DACT1: variants seen among roughly 807,000 people sequenced by gnomAD.
DACT1 encodes dishevelled binding antagonist of beta catenin 1, also known as dapper homolog 1.
DACT1 carries 19 observed loss-of-function variants against 35.3 expected under a neutral mutation model. The ratio of observed to expected loss-of-function variants is 0.54; its 90% CI spans 0.38 to 0.79. The LOEUF is 0.79. DACT1 is among the 30% of genes least tolerant of loss of function. The pLI, the probability that DACT1 is intolerant of heterozygous loss-of-function variation, is 0.00. For missense variants in DACT1, 1,143 were observed against 1,057.5 expected (o/e 1.08, Z -1.12); for synonymous variants, 545 against 466.7 (o/e 1.17, Z -2.16).
At position 58,638,037 on chromosome 14, in the gene DACT1, C is replaced by G. The variant is rs958603426; in HGVS notation, c.-166C>G. The stretch of plus-strand genomic sequence containing the variant: ...GCTGCCCGGGCCGGGACAGCAGCAG[C>G]CGGCGGTCGCGCGCAGGACTCGAGG... On this transcript the variant is annotated 5_prime_UTR_variant, in exon 1 of 4. Transcript: ENST00000395153. 8 of 634,434 alleles carry G rather than the reference C, an allele frequency of 1.3e-5. No individual in the cohort carries two copies. Among genetic ancestry groups the G allele is most frequent in the Non-Finnish European group, 1.7e-5 (8 of 460,368 alleles). 39.3% of individuals were successfully genotyped at this position (634,434 alleles called of 1,614,324 possible).
Position 58,645,468 on chromosome 14 carries a change from T to C in DACT1, c.734T>C (p.Met245Thr). The change falls in exon 4 of 4, where the codon ATG becomes ACG. Residue 245 changes from methionine to threonine, a missense_variant. Coordinates refer to ENST00000395153, the MANE Select transcript of DACT1 (RefSeq NM_001079520.2). ...CATGCTGTGGCTGTGCAGAGCCCAA[T>C]GTTTCTCCTTTGTCTGACGGGCAAC... ...PLHAVAVQSP[M>T]FLLCLTGNPL... is the part of the protein sequence containing the mutation. 1 of 1,614,198 alleles carries C rather than the reference T, an allele frequency of 6.2e-7. No homozygotes were observed. Among genetic ancestry groups the C allele is most frequent in the Non-Finnish European group, 8.5e-7 (1 of 1,180,024 alleles).
chr14:58,639,579 CTGTG>C (rs148660709), intron 1 of DACT1, among the ~76,000 whole-genome samples: 8 of 151,484 alleles, frequency 5.3e-5, no homozygotes, highest in South Asian at 2.1e-4. Context: ...TTTCTTTTCT[CTGTG>C]TGTGTGTGTG....
Position 58,638,159 on chromosome 14 carries a change from G to A in DACT1, c.-44G>A, listed in dbSNP as rs1346904732. 40 of 1,263,810 alleles carry A rather than the reference G, an allele frequency of 3.2e-5. No homozygotes were observed. Among genetic ancestry groups the A allele is most frequent in the Non-Finnish European group, 3.9e-5 (39 of 1,005,090 alleles). 78.3% of individuals were successfully genotyped at this position (1,263,810 alleles called of 1,614,324 possible). On this transcript the variant is annotated 5_prime_UTR_variant, in exon 1 of 4. Coordinates refer to ENST00000395153, the MANE Select transcript of DACT1 (RefSeq NM_001079520.2). ...CCTAGCGCCCTGCTCCTCCGCCTGG[G>A]CGGCCCGGCTGCGGTGACGGCTCTC...
Position 58,638,009 on chromosome 14 carries a change from G to A in DACT1, c.-194G>A. 2.5e-6 allele frequency: 1 copy of A among 405,054 alleles called. No individual in the cohort carries two copies. The highest frequency in any genetic ancestry group is 3.9e-6 in the Non-Finnish European group (1 of 258,858). The allele number at this position is 405,054 out of a possible 1,614,324, so 25.1% of individuals were successfully genotyped here. A position where few individuals can be genotyped will look rare whatever the true frequency, so the allele number is the denominator to read the frequency against. The stretch of plus-strand genomic sequence containing the variant: ...CGAGGGACGCGCGGCGACAGCGGAC[G>A]GCGCTGCCCGGGCCGGGACAGCAGC... On this transcript the variant is annotated 5_prime_UTR_variant, in exon 1 of 4. Coordinates refer to ENST00000395153, the MANE Select transcript of DACT1 (RefSeq NM_001079520.2).
upstream of DACT1, among the ~76,000 whole-genome samples, chr14:58,635,055 G>A (rs373106087): frequency 6.6e-6 from 1 of 152,280 alleles, no homozygotes; most frequent in East Asian, 1.9e-4. Context: ...GCAGACAGGC[G>A]TGTCCAGGGA....
chr14:58,634,285 T>C (rs185491451), upstream of DACT1: 8 of 152,332 alleles, frequency 5.3e-5, no homozygotes, highest in Non-Finnish European at 8.8e-5. Context: ...AGACCAGCAT[T>C]GTCAAACATT....
intron 3 of DACT1, among the ~76,000 whole-genome samples, chr14:58,642,980 A>G (rs911809690): frequency 2.0e-5 from 3 of 152,182 alleles, no homozygotes; most frequent in Admixed American, 6.5e-5. Flanking sequence ...TTTATCTCCA[A>G]TGAATCCTCC....
Position 58,646,281 on chromosome 14 carries a change from A to C in DACT1, c.1547A>C (p.His516Pro). ...EGSSQSLEEA[H>P]LVKAQFIPGQ... ...TCTTCCCAAAGCCTGGAGGAAGCGCACCTGGTCAAGGCCCAGTTTATCCCG... is the reference window on the plus strand; with the variant it reads ...TCTTCCCAAAGCCTGGAGGAAGCGCCCCTGGTCAAGGCCCAGTTTATCCCG... Residue 516 changes from histidine (H) to proline (P), a missense_variant, in exon 4 of 4, where the codon CAC becomes CCC. Physicochemically the swap from His to Pro is moderately conservative, Grantham distance 77. This residue lies in a region of DACT1 where 1,054 missense variants were observed against 958.8 expected (regional missense o/e 1.10). Coordinates refer to ENST00000395153, the MANE Select transcript of DACT1 (RefSeq NM_001079520.2). 6.8e-6 allele frequency: 11 copies of C among 1,613,170 alleles called. No individual in the cohort carries two copies. The highest frequency in any genetic ancestry group is 9.3e-6 in the Non-Finnish European group (11 of 1,179,756).
At chr14:58,637,603 C>T (rs907810294), upstream of DACT1, among the ~76,000 whole-genome samples, 1 of 152,246 alleles carries the variant, frequency 6.6e-6, no homozygotes, top group Non-Finnish European at 1.5e-5. Context: ...ACTGCCGCGT[C>T]CCGTCGCGGC....
intron 3 of DACT1, among the ~76,000 whole-genome samples, chr14:58,643,702 C>G (rs1017319708): frequency 6.6e-6 from 1 of 152,166 alleles, no homozygotes; most frequent in East Asian, 1.9e-4. Flanking sequence ...GACAGTTGCA[C>G]CAGGCCTTGG....
chr14:58,644,511 G>A (rs911463963), intron 3 of DACT1, among the ~76,000 whole-genome samples: 3 of 152,158 alleles, frequency 2.0e-5, no homozygotes, highest in African/African-American at 4.8e-5. Context: ...GATTGCAGGC[G>A]TGAGCCATCA....
chr14:58,639,375 AC>A, intron 1 of DACT1: 1 of 613,278 alleles, frequency 1.6e-6, no homozygotes, highest in Non-Finnish European at 2.0e-6. Flanking sequence ...ACAGCTTTTG[AC>A]CCCGCCTCAG....
chr14:58,640,098 G>A (rs1229752850), intron 1 of DACT1, among the ~76,000 whole-genome samples: 4 of 152,218 alleles, frequency 2.6e-5, no homozygotes, highest in South Asian at 4.1e-4. Flanking sequence ...AGGTGGCAGT[G>A]TGAGTTAGCA....
At chr14:58,639,312 C>G (rs1015772148) in intron 1 of DACT1, 90 of 961,850 alleles carry the variant, frequency 9.4e-5, no homozygotes, top group Non-Finnish European at 1.1e-4. Flanking sequence ...TCTTTCTATG[C>G]AGTCTTCATT....
chr14:58,638,166 G>A lies in DACT1; in HGVS notation c.-37G>A. 1 of 1,272,896 alleles carries A rather than the reference G, an allele frequency of 7.9e-7. No individual in the cohort carries two copies. The highest frequency in any genetic ancestry group is 9.9e-7 in the Non-Finnish European group (1 of 1,010,128). 78.9% of individuals were successfully genotyped at this position (1,272,896 alleles called of 1,614,324 possible). On this transcript the variant is annotated 5_prime_UTR_variant, in exon 1 of 4. Transcript: ENST00000395153. Reference sequence around the variant, plus strand: ...CCCTGCTCCTCCGCCTGGGCGGCCCGGCTGCGGTGACGGCTCTCGCTGCCC... The same window carrying A: ...CCCTGCTCCTCCGCCTGGGCGGCCCAGCTGCGGTGACGGCTCTCGCTGCCC...
intron 3 of DACT1, among the ~76,000 whole-genome samples, chr14:58,644,572 GATT>G (rs1319812941): frequency 1.3e-5 from 2 of 152,060 alleles, no homozygotes; most frequent in African/African-American, 4.8e-5. Flanking sequence ...AACATAAGGC[GATT>G]ATTATTTAAA....
At chr14:58,638,961 C>A (rs1240225622) in intron 1 of DACT1, 1 of 987,720 alleles carries the variant, frequency 1.0e-6, no homozygotes, top group African/African-American at 1.7e-5. Flanking sequence ...TATCTCCTCC[C>A]GCCGAGAGGG....
intron 3 of DACT1, among the ~76,000 whole-genome samples, chr14:58,642,538 A>G (rs1233751319): frequency 6.6e-6 from 1 of 151,408 alleles, no homozygotes; most frequent in Non-Finnish European, 1.5e-5. Flanking sequence ...TACTAAAAAC[A>G]CAAAAATCGG....
In DACT1 at chr14:58,646,361, A is replaced by C. The variant is rs1201199965; in HGVS notation, c.1627A>C (p.Lys543Gln). ...HRGHRNMGVV[K>Q]NSSLKHRGPA... Reference sequence around the variant, plus strand: ...GGGCCACAGGAACATGGGCGTCGTGAAGAACTCCAGCCTGAAGCACCGCGG... The same window carrying C: ...GGGCCACAGGAACATGGGCGTCGTGCAGAACTCCAGCCTGAAGCACCGCGG... The change falls in exon 4 of 4, where the codon AAG becomes CAG. Residue 543 changes from lysine (K) to glutamine (Q), a missense_variant. Lys to Gln is a moderately conservative substitution (Grantham distance 53). This residue lies in a region of DACT1 where 1,054 missense variants were observed against 958.8 expected (regional missense o/e 1.10). Coordinates refer to ENST00000395153, the MANE Select transcript of DACT1 (RefSeq NM_001079520.2). 23 of 1,606,168 alleles carry C rather than the reference A, an allele frequency of 1.4e-5. No homozygotes were observed. Among genetic ancestry groups the C allele is most frequent in the Middle Eastern group, 1.7e-4 (1 of 6,030 alleles).
Sources: gnomAD v4.1 joint callset for allele counts (sites outside exome capture counted in the v4.1 genomes callset) on GRCh38, gnomAD v4.1.1 for gene constraint, gnomAD v4.1.1 regional missense constraint, MANE v1.5 for transcripts, NCBI Gene and HGNC (gene_info 2026-07-23, HGNC 2026-07-21) for gene names.